MS4A10: variants seen among roughly 807,000 people sequenced by gnomAD.
MS4A10 encodes membrane spanning 4-domains A10, also known as membrane-spanning 4-domains subfamily A member 10.
Under a neutral mutation model 27.7 loss-of-function variants are expected in MS4A10, and 27 were observed. That is an observed-to-expected ratio of 0.98 (90% confidence interval 0.72 to 1.35). MS4A10 has a LOEUF of 1.35. Among genes scored for constraint, MS4A10 ranks in the 40% most tolerant of loss-of-function variants. MS4A10 has a pLI of 0.00. For missense variants in MS4A10, 338 were observed against 324.7 expected (o/e 1.04, Z -0.32); for synonymous variants, 139 against 131.2 (o/e 1.06, Z -0.41).
intron 4 of MS4A10, among the ~76,000 whole-genome samples, chr11:60,792,578 C>T (rs572906388): frequency 6.6e-6 from 1 of 152,316 alleles, no homozygotes; most frequent in African/African-American, 2.4e-5. Context: ...AAGGAAATGG[C>T]TCCCAGGCAC....
Position 60,786,193 on chromosome 11 carries a change from A to G in MS4A10, c.-23+772A>G, listed in dbSNP as rs559323560. Among the ~76,000 whole-genome samples, 1,159 of 147,044 alleles carry G rather than the reference A, an allele frequency of 7.9e-3. 20 individuals carry two copies. The highest frequency in any genetic ancestry group is 0.024 in the African/African-American group (973 of 40,604). ...CACATGCACACACACACACACGCAC[A>G]CACACACACACACACACACCCTGAG... is the stretch of plus-strand genomic sequence containing the variant. On this transcript the variant is annotated intron_variant, in intron 1 of 7. Transcript: ENST00000308287.
In MS4A10 at chr11:60,800,924, G is replaced by A. The variant is rs1368940798; in HGVS notation, c.*1015G>A. 2.0e-5 allele frequency: 3 copies of A among 151,828 alleles called. No homozygotes were observed. The highest frequency in any genetic ancestry group is 4.4e-5 in the Non-Finnish European group (3 of 68,006). The allele number at this position is 151,828 out of a possible 1,614,324, so 9.4% of individuals were successfully genotyped here. On this transcript the variant is annotated 3_prime_UTR_variant, in exon 8 of 8. Coordinates refer to ENST00000308287, the MANE Select transcript of MS4A10 (RefSeq NM_206893.4). ...TTCTCCTGCCTCAGCCTCCCGAGTA[G>A]CTGGGATTACAGGCGACCGCCACCA...
At chr11:60,794,128 C>G in intron 5 of MS4A10, 25 bp downstream of exon 5, 2 of 1,613,374 alleles carry the variant, frequency 1.2e-6, no homozygotes, top group Non-Finnish European at 1.7e-6. Flanking sequence ...CTGGAGGGCC[C>G]TCTGACTTCA....
At chr11:60,798,619 G>A (rs1854572609) in intron 7 of MS4A10, 105 bp downstream of exon 7, 1 of 836,056 alleles carries the variant, frequency 1.2e-6, no homozygotes, top group African/African-American at 1.7e-5. Context: ...TAAGGGGCAA[G>A]GGGCTAACAG....
At chr11:60,791,449 G>T (rs983131446) in intron 3 of MS4A10, among the ~76,000 whole-genome samples, 1 of 152,214 alleles carries the variant, frequency 6.6e-6, no homozygotes, top group African/African-American at 2.4e-5. Context: ...TCCAGCTACA[G>T]GTGCCCTGTT....
intron 1 of MS4A10, among the ~76,000 whole-genome samples, chr11:60,789,365 C>A (rs1053280238): frequency 6.6e-6 from 1 of 152,194 alleles, no homozygotes; most frequent in African/African-American, 2.4e-5. Context: ...AGAAAGACTA[C>A]GTTGGATTTT....
intron 6 of MS4A10, among the ~76,000 whole-genome samples, chr11:60,797,196 G>A (rs1484985695): frequency 6.6e-6 from 1 of 152,144 alleles, no homozygotes; most frequent in Non-Finnish European, 1.5e-5. Context: ...TTAAGGATGG[G>A]GAAAACTGGG....
At position 60,790,545 on chromosome 11, in the gene MS4A10, G is replaced by A. The variant is rs199783293; in HGVS notation, c.183+27G>A. ...TGAGCATCCACTTCCCAGGGTCCCA[G>A]CAGTGGGAGGCAGAGGAGAGGGGGA... is the stretch of plus-strand genomic sequence containing the variant. On this transcript the variant is annotated intron_variant, in intron 2 of 7. Coordinates refer to ENST00000308287, the MANE Select transcript of MS4A10 (RefSeq NM_206893.4). 2,461 of 1,612,444 alleles carry A rather than the reference G, an allele frequency of 1.5e-3. 28 individuals are homozygous for A. In the South Asian group the frequency reaches 0.016, roughly 11 times the overall value.
At chr11:60,791,231 T>C in intron 3 of MS4A10, 138 bp downstream of exon 3, 1 of 1,130,512 alleles carries the variant, frequency 8.8e-7, no homozygotes, top group South Asian at 1.6e-5. Context: ...CTTTCTCCAG[T>C]GTTCCTAGCT....
intron 3 of MS4A10, among the ~76,000 whole-genome samples, chr11:60,791,298 A>G (rs1854426754): frequency 1.3e-5 from 2 of 151,552 alleles, no homozygotes; most frequent in African/African-American, 4.9e-5. Context: ...GCCCCTGTCA[A>G]TTCTGAGTCC....
chr11:60,787,335 G>A (rs1565079607), intron 1 of MS4A10, among the ~76,000 whole-genome samples: 1 of 152,154 alleles, frequency 6.6e-6, no homozygotes, highest in Non-Finnish European at 1.5e-5. Flanking sequence ...CCTGGAAGTG[G>A]GCCAGGACAG....
rs957183371 is a variant in MS4A10 at position 60,800,001 on chromosome 11, A to G, written c.*92A>G. On this transcript the variant is annotated 3_prime_UTR_variant, in exon 8 of 8. Transcript: ENST00000308287. The stretch of plus-strand genomic sequence containing the variant: ...TTCACTGGGAAGATGAGATTTGCAC[A>G]TACAAAAGGCTAGAGCGATGGTCTA... 4.4e-6 allele frequency: 7 copies of G among 1,601,012 alleles called. No homozygotes were observed. The African/African-American group carries it at 6.7e-5, about 15-fold the overall frequency.
At chr11:60,786,742 C>CTAG (rs1807434067) in intron 1 of MS4A10, among the ~76,000 whole-genome samples, 1 of 152,170 alleles carries the variant, frequency 6.6e-6, no homozygotes, top group South Asian at 2.1e-4. Context: ...TGGTGGGATT[C>CTAG]TAGACACGCA....
chr11:60,799,225 A>T (rs896383143), intron 7 of MS4A10, among the ~76,000 whole-genome samples: 3 of 152,334 alleles, frequency 2.0e-5, no homozygotes, highest in Non-Finnish European at 4.4e-5. Flanking sequence ...CAGTTGTGAC[A>T]TCGAGGTTGC....
At chr11:60,792,230 G>C in intron 3 of MS4A10, 35 bp from the exon 4 acceptor site, 1 of 1,588,326 alleles carries the variant, frequency 6.3e-7, no homozygotes, top group South Asian at 1.1e-5. Flanking sequence ...AGGAACCCCA[G>C]CTTCTCTCCT....
At chr11:60,789,654 G>A (rs911434205) in intron 1 of MS4A10, among the ~76,000 whole-genome samples, 17 of 152,310 alleles carry the variant, frequency 1.1e-4, no homozygotes, top group Admixed American at 1.0e-3. Flanking sequence ...TAACCTTTCT[G>A]AGCCTCATCT....
At position 60,792,196 on chromosome 11, in the gene MS4A10, G is replaced by T; in HGVS notation, c.304-69G>T. Reference sequence around the variant, plus strand: ...GTTGATTTTCTTGGAGAATAGGGGTGGGGGTGGGAATTTGTGGGTTTTGAG... The same window carrying T: ...GTTGATTTTCTTGGAGAATAGGGGTTGGGGTGGGAATTTGTGGGTTTTGAG... On this transcript the variant is annotated intron_variant, in intron 3 of 7. Transcript: ENST00000308287. 2.5e-6 allele frequency: 3 copies of T among 1,198,392 alleles called. No homozygotes were observed. The South Asian group carries it at 3.6e-5, about 15-fold the overall frequency. 74.2% of individuals were successfully genotyped at this position (1,198,392 alleles called of 1,614,324 possible). A position where few individuals can be genotyped will look rare whatever the true frequency, so the allele number is the denominator to read the frequency against.
chr11:60,795,975 G>A (rs1005249831), intron 6 of MS4A10, among the ~76,000 whole-genome samples: 1 of 152,154 alleles, frequency 6.6e-6, no homozygotes, highest in East Asian at 1.9e-4. Flanking sequence ...AGAGGCCCAT[G>A]ATGACCGGGC....
chr11:60,788,134 A>C (rs528855995), intron 1 of MS4A10, among the ~76,000 whole-genome samples: 167 of 152,310 alleles, frequency 1.1e-3, no homozygotes, highest in African/African-American at 3.9e-3. Context: ...AAAATCTCAG[A>C]GTCTTTAATA....
Sources: allele counts gnomAD v4.1 joint callset (sites outside exome capture counted in the v4.1 genomes callset), GRCh38; gene constraint gnomAD v4.1.1; transcripts MANE v1.5; gene names NCBI Gene and HGNC (gene_info 2026-07-23, HGNC 2026-07-21).